The following PHB2 variants were observed in gnomAD, a reference collection of about 807,000 sequenced individuals.
PHB2 encodes prohibitin 2, also known as prohibitin-2.
Under a neutral mutation model 46.4 loss-of-function variants are expected in PHB2, and 22 were observed. The observed-to-expected ratio is 0.47, with a 90% CI of 0.34 to 0.68. The LOEUF (loss-of-function observed/expected upper bound fraction) is 0.68. Ranked by LOEUF, PHB2 falls within the 30% of genes least tolerant of loss-of-function variation. The pLI, the probability that PHB2 is intolerant of heterozygous loss-of-function variation, is 0.01. For missense variants in PHB2, 305 were observed against 382.8 expected (o/e 0.80, Z 1.70); for synonymous variants, 156 against 150.5 (o/e 1.04, Z -0.27).
chr12:6,967,644 G>T lies in PHB2; in HGVS notation c.711+32C>A. ...AATGGGGAACTCAGGTGCCCTAGGGGCTGGGCTGAGATCTCTCCAGCAGAA... is the reference window on the plus strand; with the variant it reads ...AATGGGGAACTCAGGTGCCCTAGGGTCTGGGCTGAGATCTCTCCAGCAGAA... On this transcript the variant is annotated intron_variant, in intron 6 of 9. Coordinates refer to ENST00000535923, the MANE Select transcript of PHB2 (RefSeq NM_001144831.2). This position sits in a 1 kb window ranked among gnomAD's most constrained non-coding sequence, Gnocchi z 4.9. 2 of 1,552,476 alleles carry T rather than the reference G, an allele frequency of 1.3e-6. No individual in the cohort carries two copies. The highest frequency in any genetic ancestry group is 8.9e-7 in the Non-Finnish European group (1 of 1,124,814).
At chr12:6,968,313 T>C (rs147084920) in intron 4 of PHB2, 98 bp downstream of exon 4, 3 of 900,218 alleles carry the variant, frequency 3.3e-6, no homozygotes, top group African/African-American at 3.3e-5. Flanking sequence ...GGCACTAGGG[T>C]GACAATGCTT....
intron 7 of PHB2, 53 bp from the exon 8 acceptor site, chr12:6,966,553 C>T (rs1164356387): frequency 3.0e-5 from 33 of 1,110,832 alleles, no homozygotes; most frequent in South Asian, 2.0e-4. Context: ...ACCTCAATTC[C>T]GACCCCTGCA....
At chr12:6,966,556 C>G in intron 7 of PHB2, 56 bp from the exon 8 acceptor site, 2 of 1,072,882 alleles carry the variant, frequency 1.9e-6, no homozygotes, top group Non-Finnish European at 2.9e-6. Flanking sequence ...TCAATTCCGA[C>G]CCCTGCAATT....
Position 6,967,805 on chromosome 12 carries a change from C to A in PHB2, c.608-26G>T, listed in dbSNP as rs782205458. On this transcript the variant is annotated intron_variant, in intron 5 of 9. Coordinates refer to ENST00000535923, the MANE Select transcript of PHB2 (RefSeq NM_001144831.2). The surrounding 1 kb of genome is among the most constrained non-coding windows in gnomAD (Gnocchi z 4.9). ...CTGTGGTGGGAGAGAGTCAGGGAGA[C>A]CCTGTCCTGGGTCAGGAGCCCCACC... 4 of 1,611,058 alleles carry A rather than the reference C, an allele frequency of 2.5e-6. No individual in the cohort carries two copies. Among genetic ancestry groups the A allele is most frequent in the African/African-American group, 2.7e-5 (2 of 74,878 alleles).
rs960025506 is a variant in PHB2 at position 6,968,287 on chromosome 12, G to A, written c.477+124C>T. The A allele has an allele frequency of 8.5e-5, 65 of 763,322 alleles. No individual in the cohort carries two copies. In the African/African-American group the frequency reaches 8.7e-4, roughly 10 times the overall value. The allele number at this position is 763,322 out of a possible 1,614,324, so 47.3% of individuals were successfully genotyped here. On this transcript the variant is annotated intron_variant, in intron 4 of 9. Coordinates refer to ENST00000535923, the MANE Select transcript of PHB2 (RefSeq NM_001144831.2). ...TTATTTCACAGTGGCAATTAGCACA[G>A]CTTTTAGGTGGAAATGGCACTAGGG...
At chr12:6,970,091 T>C (rs782038315) in intron 2 of PHB2, 105 bp downstream of exon 2, 2 of 865,658 alleles carry the variant, frequency 2.3e-6, no homozygotes. Context: ...ATGAGGAGGG[T>C]GGGAAAAGAG....
At position 6,967,287 on chromosome 12, in the gene PHB2, T is replaced by C. The variant is rs369171218; in HGVS notation, c.712-39A>G. ...AGGTACACGCAAGGGCAGGTCTCAA[T>C]CCCTGGCCCTGTCCTTACCACACTC... On this transcript the variant is annotated intron_variant, in intron 6 of 9. Transcript: ENST00000535923. The surrounding 1 kb of genome is among the most constrained non-coding windows in gnomAD (Gnocchi z 4.9). 9.3e-5 allele frequency: 150 copies of C among 1,612,480 alleles called. No homozygotes were observed. The highest frequency in any genetic ancestry group is 1.2e-4 in the Non-Finnish European group (136 of 1,178,802).
rs781863713 is a variant in PHB2, at chr12:6,967,742, T to C, written c.645A>G (p.Glu215=). The change falls in exon 6 of 10, where the codon GAA becomes GAG. Residue 215 remains glutamate (E), a synonymous_variant. Coordinates refer to ENST00000535923, the MANE Select transcript of PHB2 (RefSeq NM_001144831.2). This position sits in a 1 kb window ranked among gnomAD's most constrained non-coding sequence, Gnocchi z 4.9. ...TCTGCCGCTGTTCCTGCTTTGCTTT[T>C]TCTACCAAGAATTGGGCCCGCTGGG... is the stretch of plus-strand genomic sequence containing the variant. The part of the protein sequence containing the change: ...QEAQRAQFLV[E]KAKQEQRQKI... The C allele has an allele frequency of 6.2e-7, 1 of 1,613,994 alleles. No individual in the cohort carries two copies. The highest frequency in any genetic ancestry group is 8.5e-7 in the Non-Finnish European group (1 of 1,179,880).
In PHB2 at chr12:6,967,355, G is replaced by A. The variant is rs1227006044; in HGVS notation, c.712-107C>T. ...TCTGGGCTGTCAGATCCAAGGTTGC[G>A]CTCAGGTGGCTTGTGCCCAGCCCTA... On this transcript the variant is annotated intron_variant, in intron 6 of 9. Transcript: ENST00000535923. This position sits in a 1 kb window ranked among gnomAD's most constrained non-coding sequence, Gnocchi z 4.9. 22 of 1,610,986 alleles carry A rather than the reference G, an allele frequency of 1.4e-5. No homozygotes were observed. The highest frequency in any genetic ancestry group is 1.8e-5 in the Non-Finnish European group (21 of 1,178,756).
At chr12:6,966,292 C>A (rs782523590) in intron 8 of PHB2, 132 bp downstream of exon 8, 1 of 674,202 alleles carries the variant, frequency 1.5e-6, no homozygotes, top group African/African-American at 1.8e-5. Flanking sequence ...AAACTGTCAA[C>A]CACCCCCTTT....
intron 9 of PHB2, 74 bp downstream of exon 9, chr12:6,965,837 G>T: frequency 6.3e-7 from 1 of 1,586,652 alleles, no homozygotes; most frequent in Non-Finnish European, 8.6e-7. Context: ...GGGGAGGTGG[G>T]AAAGGGGGTA....
intron 9 of PHB2, 83 bp downstream of exon 9, chr12:6,965,828 G>C: frequency 6.3e-7 from 1 of 1,577,140 alleles, no homozygotes; most frequent in Non-Finnish European, 8.7e-7. Flanking sequence ...TTTGTCTTCG[G>C]GGAGGTGGGA....
chr12:6,965,887 C>T (rs1555150710), intron 9 of PHB2, 24 bp downstream of exon 9: 2 of 1,598,814 alleles, frequency 1.3e-6, no homozygotes, highest in Middle Eastern at 1.7e-4. Context: ...CCTGCAGGAC[C>T]CCACAGAAGC....
intron 3 of PHB2, chr12:6,968,843 ACT>A: frequency 1.9e-6 from 1 of 522,232 alleles, no homozygotes. Context: ...CCCCCTCTGT[ACT>A]CTGTGCAACC....
chr12:6,965,571 G>A lies in PHB2; in HGVS notation c.*114C>T. 1.3e-6 allele frequency: 1 copy of A among 791,802 alleles called. No individual in the cohort carries two copies. Among genetic ancestry groups the A allele is most frequent in the Middle Eastern group, 3.2e-4 (1 of 3,156 alleles). 49.0% of individuals were successfully genotyped at this position (791,802 alleles called of 1,614,324 possible). Reference sequence around the variant, plus strand: ...AGGGGTTCAGGGAACCGGTGTGGGGGACCATCGCATGATACTGGGGCGGGG... The same window carrying A: ...AGGGGTTCAGGGAACCGGTGTGGGGAACCATCGCATGATACTGGGGCGGGG... On this transcript the variant is annotated 3_prime_UTR_variant, in exon 10 of 10. Coordinates refer to ENST00000535923, the MANE Select transcript of PHB2 (RefSeq NM_001144831.2).
chr12:6,968,036 G>C lies in PHB2; in HGVS notation c.478-15C>G, dbSNP rs1946245994. ...AACAGGGATACCTGAGGGCAGGGGT[G>C]AAGAGGGGAAGGGAGGGGTGGTTTG... On this transcript the variant is annotated splice_polypyrimidine_tract_variant and intron_variant, in intron 4 of 9. Coordinates refer to ENST00000535923, the MANE Select transcript of PHB2 (RefSeq NM_001144831.2). 1 of 1,584,470 alleles carries C rather than the reference G, an allele frequency of 6.3e-7. No homozygotes were observed. Among genetic ancestry groups the C allele is most frequent in the Admixed American group, 1.7e-5 (1 of 57,328 alleles).
In PHB2 at chr12:6,969,581, G is replaced by A. The variant is rs1555151589; in HGVS notation, c.213-4C>T. ...GGGGTACTGGAACCAAGGGATCCTG[G>A]AGAGGACAGGGATAGGTATTAAGAG... is the stretch of plus-strand genomic sequence containing the variant. On this transcript the variant is annotated splice_polypyrimidine_tract_variant and splice_region_variant and intron_variant, in intron 2 of 9. Transcript: ENST00000535923. The A allele has an allele frequency of 1.3e-6, 2 of 1,589,496 alleles. No homozygotes were observed. The highest frequency in any genetic ancestry group is 3.3e-5 in the Admixed American group (2 of 59,762).
intron 2 of PHB2, 38 bp downstream of exon 2, chr12:6,970,158 G>A (rs1591703832): frequency 3.3e-6 from 5 of 1,500,910 alleles, no homozygotes; most frequent in African/African-American, 1.4e-5. Flanking sequence ...GGCGTCAAGG[G>A]TGAAAGGTCA....
At position 6,969,491 on chromosome 12, in the gene PHB2, G is replaced by A. The variant is rs1329522178; in HGVS notation, c.292+7C>T. ...CTGCCATGTGATTACCAAGTGCTCA[G>A]ACCTACCTTTGGAGCCTGTAGGGGA... On this transcript the variant is annotated splice_region_variant and intron_variant, in intron 3 of 9. Transcript: ENST00000535923. 6.4e-7 allele frequency: 1 copy of A among 1,553,002 alleles called. No individual in the cohort carries two copies. The highest frequency in any genetic ancestry group is 1.7e-5 in the Admixed American group (1 of 59,020).
Sources: allele counts gnomAD v4.1 joint callset, GRCh38; gene constraint gnomAD v4.1.1; non-coding constraint Gnocchi (gnomAD v3.1); transcripts MANE v1.5; gene names NCBI Gene and HGNC (gene_info 2026-07-23, HGNC 2026-07-21).